RMDN3: variants seen among roughly 807,000 people sequenced by gnomAD.
RMDN3 encodes the protein regulator of microtubule dynamics protein 3.
A neutral mutation model predicts 61.8 loss-of-function variants in RMDN3; 41 were observed. That is an observed-to-expected ratio of 0.66 (90% CI 0.52 to 0.86). The LOEUF (loss-of-function observed/expected upper bound fraction) is 0.86. Ranked by LOEUF, RMDN3 falls within the 40% of genes least tolerant of loss-of-function variation. RMDN3 has a pLI of 0.00. For missense variants in RMDN3, 557 were observed against 585.3 expected (o/e 0.95, Z 0.50); for synonymous variants, 247 against 232.0 (o/e 1.06, Z -0.59).
At chr15:40,737,518 C>T (rs1416668846) in intron 10 of RMDN3, 110 bp downstream of exon 10, 3 of 1,177,134 alleles carry the variant, frequency 2.5e-6, no homozygotes, top group African/African-American at 3.1e-5. Flanking sequence ...CAGGCAAACA[C>T]AAAATTGCCC....
chr15:40,737,213 A>C lies in RMDN3; in HGVS notation c.1279-9T>G, dbSNP rs762483552. ...CCTAGTTCTCTGTAGCACTGAAAAG[A>C]GACAACAGTGAAACCTGATACTGTG... is the stretch of plus-strand genomic sequence containing the variant. On this transcript the variant is annotated splice_polypyrimidine_tract_variant and intron_variant, in intron 11 of 12. Coordinates refer to ENST00000338376, the MANE Select transcript of RMDN3 (RefSeq NM_018145.3). 6.2e-7 allele frequency: 1 copy of C among 1,613,854 alleles called. No homozygotes were observed. The highest frequency in any genetic ancestry group is 2.2e-5 in the East Asian group (1 of 44,898).
At chr15:40,740,012 C>T in intron 7 of RMDN3, 121 bp downstream of exon 7, 1 of 711,666 alleles carries the variant, frequency 1.4e-6, no homozygotes, top group Non-Finnish European at 2.5e-6. Flanking sequence ...AGATACAAGC[C>T]AGAACTCCCT....
Position 40,744,296 on chromosome 15 carries a change from C to T in RMDN3, c.808-147G>A, listed in dbSNP as rs543325334. ...CAGGCCAGCTCCTACACGCAGCCTTCCCCCCAGTCATCCCTTCCCACGTGC... is the reference window on the plus strand; with the variant it reads ...CAGGCCAGCTCCTACACGCAGCCTTTCCCCCAGTCATCCCTTCCCACGTGC... On this transcript the variant is annotated intron_variant, in intron 5 of 12. Transcript: ENST00000338376. 21 of 659,406 alleles carry T rather than the reference C, an allele frequency of 3.2e-5. 1 individual carries two copies. In the Admixed American group the frequency reaches 4.2e-4, roughly 13 times the overall value. The allele number at this position is 659,406 out of a possible 1,614,324, so 40.8% of individuals were successfully genotyped here.
chr15:40,746,182 A>C (rs1277038408), intron 4 of RMDN3, among the ~76,000 whole-genome samples: 1 of 152,156 alleles, frequency 6.6e-6, no homozygotes, highest in Non-Finnish European at 1.5e-5. Flanking sequence ...AAAATAGATA[A>C]GGACTGAGCA....
At chr15:40,743,183 G>A (rs1897349722) in intron 6 of RMDN3, among the ~76,000 whole-genome samples, 1 of 152,208 alleles carries the variant, frequency 6.6e-6, no homozygotes, top group Non-Finnish European at 1.5e-5. Flanking sequence ...CACTTTGGGA[G>A]GCCTAGGTGG....
chr15:40,738,836 ATCTC>A lies in RMDN3; in HGVS notation c.972-264_972-261del, dbSNP rs1897168816. The A allele has an allele frequency of 3.4e-5, 18 of 528,886 alleles. No homozygotes were observed. In the East Asian group the frequency reaches 5.2e-4, roughly 15 times the overall value. 32.8% of individuals were successfully genotyped at this position (528,886 alleles called of 1,614,324 possible). A position where few individuals can be genotyped will look rare whatever the true frequency, so the allele number is the denominator to read the frequency against. On this transcript the variant is annotated intron_variant, in intron 7 of 12. Transcript: ENST00000338376. ...AAAAAAGCTGGGTTCACCACAGTAAATCTCTCTTACACAGTAAATCTCTCCTACA... is the reference window on the plus strand; with the variant it reads ...AAAAAAGCTGGGTTCACCACAGTAAATCTTACACAGTAAATCTCTCCTACA...
At chr15:40,744,461 T>A (rs1389434423) in intron 5 of RMDN3, among the ~76,000 whole-genome samples, 1 of 147,524 alleles carries the variant, frequency 6.8e-6, no homozygotes, top group African/African-American at 2.6e-5. Flanking sequence ...TGCTGACACA[T>A]GAAGAAAGTG....
chr15:40,755,033 A>G, intron 1 of RMDN3, 50 bp downstream of exon 1: 1 of 427,392 alleles, frequency 2.3e-6, no homozygotes, highest in Non-Finnish European at 4.2e-6. Flanking sequence ...CCTCCAGTAC[A>G]CCCCCCGACC....
chr15:40,745,355 C>G, intron 4 of RMDN3, 96 bp from the exon 5 acceptor site: 2 of 1,215,452 alleles, frequency 1.6e-6, no homozygotes, highest in South Asian at 2.8e-5. Context: ...CTCTACATGG[C>G]ATTGTCCAAA....
At chr15:40,736,871 G>C (rs1196001247) in intron 12 of RMDN3, among the ~76,000 whole-genome samples, 1 of 151,276 alleles carries the variant, frequency 6.6e-6, no homozygotes, top group Non-Finnish European at 1.5e-5. Flanking sequence ...GTTTTTTTTT[G>C]AGATGGAGTT....
intron 6 of RMDN3, among the ~76,000 whole-genome samples, chr15:40,741,170 A>G (rs1051676879): frequency 6.6e-6 from 1 of 152,020 alleles, no homozygotes; most frequent in African/African-American, 2.4e-5. Flanking sequence ...CTCAAGTTGT[A>G]TAAAATTTAA....
At position 40,737,974 on chromosome 15, in the gene RMDN3, C is replaced by A. The variant is rs767621061; in HGVS notation, c.1116G>T (p.Trp372Cys). Reference sequence around the variant, plus strand: ...CTGAAACGCAGCTTACCTGATAGCACCACCTGCCAAGAAGAAAGTGAGCCA... The same window carrying A: ...CTGAAACGCAGCTTACCTGATAGCAACACCTGCCAAGAAGAAAGTGAGCCA... Reference protein sequence around the residue: ...NPMAHFLLGRWCYQVSHLSWL... With the variant: ...NPMAHFLLGRCCYQVSHLSWL... The change falls in exon 9 of 13, where the codon TGG becomes TGT. Residue 372 changes from tryptophan (W) to cysteine (C), a missense_variant. Trp to Cys is a radical substitution (Grantham distance 215). Transcript: ENST00000338376. 16 of 1,614,148 alleles carry A rather than the reference C, an allele frequency of 9.9e-6. No individual in the cohort carries two copies. In the South Asian group the frequency reaches 1.6e-4, roughly 17 times the overall value.
At chr15:40,742,974 A>G (rs1897341558) in intron 6 of RMDN3, among the ~76,000 whole-genome samples, 1 of 152,250 alleles carries the variant, frequency 6.6e-6, no homozygotes. Flanking sequence ...CTACAGAGAC[A>G]TCCTACTCAA....
intron 2 of RMDN3, 85 bp downstream of exon 2, chr15:40,754,512 C>T: frequency 7.4e-7 from 1 of 1,356,440 alleles, no homozygotes; most frequent in Non-Finnish European, 1.0e-6. Flanking sequence ...CTCCGTTACC[C>T]TGTCCCACAG....
intron 1 of RMDN3, 23 bp from the exon 2 acceptor site, chr15:40,754,813 G>A (rs908251496): frequency 6.8e-7 from 1 of 1,471,368 alleles, no homozygotes; most frequent in Non-Finnish European, 9.1e-7. Flanking sequence ...GAAGTCACCG[G>A]GAGCAGGCAG....
chr15:40,741,695 T>C (rs1897291297), intron 6 of RMDN3, among the ~76,000 whole-genome samples: 1 of 138,990 alleles, frequency 7.2e-6, no homozygotes, highest in Non-Finnish European at 1.5e-5. Flanking sequence ...AATAGCACGA[T>C]CTAGGCTCAC....
At chr15:40,744,194 G>A in intron 5 of RMDN3, 45 bp from the exon 6 acceptor site, 2 of 1,571,004 alleles carry the variant, frequency 1.3e-6, no homozygotes, top group Middle Eastern at 1.7e-4. Context: ...TTCCTCAACT[G>A]TGGAGAATGG....
chr15:40,752,510 C>T (rs1897873956), intron 2 of RMDN3, among the ~76,000 whole-genome samples: 1 of 152,030 alleles, frequency 6.6e-6, no homozygotes, highest in South Asian at 2.1e-4. Context: ...AAAACCTTCA[C>T]CTCACCATAT....
intron 6 of RMDN3, among the ~76,000 whole-genome samples, chr15:40,742,738 C>G (rs1363905061): frequency 1.3e-5 from 2 of 152,234 alleles, no homozygotes; most frequent in African/African-American, 2.4e-5. Context: ...CTGCTAACCA[C>G]TGCCTCCACT....
Sources: gnomAD v4.1 joint callset for allele counts (sites outside exome capture counted in the v4.1 genomes callset) on GRCh38, gnomAD v4.1.1 for gene constraint, MANE v1.5 for transcripts, NCBI Gene and HGNC (gene_info 2026-07-23, HGNC 2026-07-21) for gene names.